EOGT: variants seen among roughly 807,000 people sequenced by gnomAD.
EOGT encodes EGF domain-specific O-linked N-acetylglucosamine transferase.
EOGT carries 55 observed loss-of-function variants against 70.5 expected under a neutral mutation model. The ratio of observed to expected loss-of-function variants is 0.78; its 90% confidence interval spans 0.63 to 0.98. EOGT has a LOEUF of 0.98. EOGT is among the 50% of genes least tolerant of loss of function. The pLI, the probability that EOGT is intolerant of heterozygous loss-of-function variation, is 0.00. For missense variants in EOGT, 703 were observed against 641.9 expected (o/e 1.10, Z -1.03); for synonymous variants, 246 against 217.1 (o/e 1.13, Z -1.17).
Position 68,983,559 on chromosome 3 carries a change from A to G in EOGT, c.1153-687T>C, listed in dbSNP as rs531786824. ...TGTGTCATGTTGCCTTGTGGCATGC[A>G]CTGCACTGCAACAGCAACATCAACA... is the stretch of plus-strand genomic sequence containing the variant. On this transcript the variant is annotated intron_variant, in intron 14 of 17. Coordinates refer to ENST00000383701, the MANE Select transcript of EOGT (RefSeq NM_001278689.2). Among the ~76,000 whole-genome samples the G allele has an allele frequency of 2.0e-5, 3 of 152,364 alleles. No homozygotes were observed. The East Asian group carries it at 5.8e-4, about 29-fold the overall frequency.
chr3:68,998,180 C>G (rs2091203639), intron 9 of EOGT, 66 bp from the exon 10 acceptor site: 1 of 820,776 alleles, frequency 1.2e-6, no homozygotes, highest in Non-Finnish European at 2.0e-6. Flanking sequence ...AAGTTTTATT[C>G]TATCCCATCT....
At chr3:69,000,672 A>G (rs2091271613) in intron 9 of EOGT, among the ~76,000 whole-genome samples, 1 of 152,224 alleles carries the variant, frequency 6.6e-6, no homozygotes, top group African/African-American at 2.4e-5. Context: ...GATATGATCT[A>G]GCACAGTAAT....
chr3:69,009,918 CAA>C, intron 3 of EOGT, 58 bp from the exon 4 acceptor site: 12 of 565,518 alleles, frequency 2.1e-5, no homozygotes, highest in Non-Finnish European at 3.1e-5. Context: ...GCCAAAACAA[CAA>C]CAACAACAAC....
Position 68,988,111 on chromosome 3 carries a change from T to C in EOGT, c.1083+184A>G, listed in dbSNP as rs6549163. ...TGTATTTTTTGCAGAGATGGGGTTT[T>C]GCCATGTTGGCCAGGCTGGTCTTGA... On this transcript the variant is annotated intron_variant, in intron 13 of 17. Transcript: ENST00000383701. Among the ~76,000 whole-genome samples the C allele has an allele frequency of 0.82, 125,342 of 152,186 alleles. 51,777 individuals are homozygous for C. Among genetic ancestry groups the C allele is most frequent in the Admixed American group, 0.86 (13,106 of 15,292 alleles).
chr3:69,013,342 G>C (rs1476674140), intron 1 of EOGT, among the ~76,000 whole-genome samples: 1 of 151,812 alleles, frequency 6.6e-6, no homozygotes, highest in Admixed American at 6.5e-5. Flanking sequence ...CTGCGCTCCG[G>C]GCGCTGGGAA....
rs76435907 is a variant in EOGT at position 69,003,372 on chromosome 3, T to C, written c.620+1006A>G. Among the ~76,000 whole-genome samples, 148 of 152,314 alleles carry C rather than the reference T, an allele frequency of 9.7e-4. No homozygotes were observed. In the East Asian group the frequency reaches 0.027, roughly 28 times the overall value. On this transcript the variant is annotated intron_variant, in intron 8 of 17. Transcript: ENST00000383701. The stretch of plus-strand genomic sequence containing the variant: ...TCATCTTGAATTGTAGCTCCCATCA[T>C]GGGAGGCACCCGGTGGGAGGTAACT...
At chr3:69,000,274 G>C (rs2091262153) in intron 9 of EOGT, among the ~76,000 whole-genome samples, 1 of 152,070 alleles carries the variant, frequency 6.6e-6, no homozygotes. Flanking sequence ...GAAGAAAAAA[G>C]TAGAGTTATG....
At chr3:68,977,985 C>T (rs1368290091) in intron 17 of EOGT, among the ~76,000 whole-genome samples, 1 of 152,216 alleles carries the variant, frequency 6.6e-6, no homozygotes, top group Non-Finnish European at 1.5e-5. Flanking sequence ...GCACAAACAA[C>T]TAGAGACAGT....
At chr3:68,986,849 A>G (rs1414128159) in intron 14 of EOGT, among the ~76,000 whole-genome samples, 1 of 152,248 alleles carries the variant, frequency 6.6e-6, no homozygotes, top group East Asian at 1.9e-4. Context: ...GGCCTAGAAC[A>G]TGGCCTGACA....
rs778118219 is a variant in EOGT, at chr3:68,988,346, T to C, written c.1032A>G (p.Ala344=). The change falls in exon 13 of 18, where the codon GCA becomes GCG. Residue 344 remains alanine, a synonymous_variant. Transcript: ENST00000383701. The stretch of plus-strand genomic sequence containing the variant: ...GTCTGTGTAGTACATGCTGGGCAAA[T>C]GCCCTGAATAGTCCAGTATTTTGAC... ...SGCQNTGLFR[A]FAQHVLHRLN... 1 of 1,535,932 alleles carries C rather than the reference T, an allele frequency of 6.5e-7. No homozygotes were observed.
chr3:68,989,519 G>A (rs1001734053), intron 10 of EOGT, among the ~76,000 whole-genome samples: 5 of 151,916 alleles, frequency 3.3e-5, no homozygotes, highest in Admixed American at 6.6e-5. Context: ...AGGCCGAGGC[G>A]GGCAGATCAC....
Position 69,009,933 on chromosome 3 carries a change from C to CAAA in EOGT, c.-14-76_-14-74dup, listed in dbSNP as rs60324569. Reference sequence around the variant, plus strand: ...GCCAAAACAACAACAACAACAACAACAAAAAAAAAAAAAAAACAAAGGGTC... The same window carrying CAAA: ...GCCAAAACAACAACAACAACAACAACAAAAAAAAAAAAAAAAAAACAAAGGGTC... On this transcript the variant is annotated intron_variant, in intron 3 of 17. Coordinates refer to ENST00000383701, the MANE Select transcript of EOGT (RefSeq NM_001278689.2). 6.2e-4 allele frequency: 158 copies of CAAA among 256,512 alleles called. 1 individual carries two copies. Among genetic ancestry groups the CAAA allele is most frequent in the Middle Eastern group, 2.7e-3 (2 of 752 alleles). 15.9% of individuals were successfully genotyped at this position (256,512 alleles called of 1,614,324 possible). A position where few individuals can be genotyped will look rare whatever the true frequency, so the allele number is the denominator to read the frequency against.
Position 69,011,738 on chromosome 3 carries a change from T to A in EOGT, c.-15+198A>T, listed in dbSNP as rs975604395. On this transcript the variant is annotated intron_variant, in intron 3 of 17. Coordinates refer to ENST00000383701, the MANE Select transcript of EOGT (RefSeq NM_001278689.2). ...ATCCTTTTTCCCCCATTTTCCCCCC[T>A]TGGAGTAGTTAAGTATTGTGGTTTT... is the stretch of plus-strand genomic sequence containing the variant. Among the ~76,000 whole-genome samples, 58 of 152,118 alleles carry A rather than the reference T, an allele frequency of 3.8e-4. 1 individual carries two copies. Among genetic ancestry groups the A allele is most frequent in the African/African-American group, 1.0e-3 (42 of 41,432 alleles).
At chr3:69,011,730 T>A (rs1219030427) in intron 3 of EOGT, among the ~76,000 whole-genome samples, 2 of 152,160 alleles carry the variant, frequency 1.3e-5, no homozygotes, top group Non-Finnish European at 2.9e-5. Flanking sequence ...TTCCCCCATT[T>A]TCCCCCCTTG....
Position 68,975,914 on chromosome 3 carries a change from T to A in EOGT, c.*1704A>T, listed in dbSNP as rs1402507768. The A allele has an allele frequency of 1.3e-5, 2 of 152,206 alleles. No homozygotes were observed. Among genetic ancestry groups the A allele is most frequent in the African/African-American group, 2.4e-5 (1 of 41,460 alleles). The allele number at this position is 152,206 out of a possible 1,614,324, so 9.4% of individuals were successfully genotyped here. On this transcript the variant is annotated 3_prime_UTR_variant, in exon 18 of 18. Transcript: ENST00000383701. Reference sequence around the variant, plus strand: ...ATTTTTTACAACTGTAAAATATTTTTAAAAAATTATTTAGCTATTCTGTAA... The same window carrying A: ...ATTTTTTACAACTGTAAAATATTTTAAAAAAATTATTTAGCTATTCTGTAA...
At position 68,977,453 on chromosome 3, in the gene EOGT, AAACACTT is replaced by A; in HGVS notation, c.*158_*164del. 1.5e-6 allele frequency: 1 copy of A among 650,148 alleles called. No homozygotes were observed. Among genetic ancestry groups the A allele is most frequent in the Non-Finnish European group, 2.4e-6 (1 of 409,530 alleles). 40.3% of individuals were successfully genotyped at this position (650,148 alleles called of 1,614,324 possible). A position where few individuals can be genotyped will look rare whatever the true frequency, so the allele number is the denominator to read the frequency against. ...ATAGCAATGACACAAAAACCACATG[AAACACTT>A]AACATCTATACAACACATAACAATA... On this transcript the variant is annotated 3_prime_UTR_variant, in exon 18 of 18. Transcript: ENST00000383701.
At chr3:69,011,107 G>C (rs2091562530) in intron 3 of EOGT, among the ~76,000 whole-genome samples, 1 of 151,150 alleles carries the variant, frequency 6.6e-6, no homozygotes, top group Admixed American at 6.6e-5. Context: ...CACCCAGTAA[G>C]TGTTAAATCT....
chr3:68,991,958 T>C (rs894019210), intron 10 of EOGT, among the ~76,000 whole-genome samples: 1 of 152,194 alleles, frequency 6.6e-6, no homozygotes, highest in Admixed American at 6.5e-5. Flanking sequence ...ATGAGACTTA[T>C]TCACTATCAC....
intron 10 of EOGT, among the ~76,000 whole-genome samples, chr3:68,991,293 A>T (rs1489223198): frequency 1.3e-5 from 2 of 152,240 alleles, no homozygotes; most frequent in Non-Finnish European, 2.9e-5. Flanking sequence ...AATTTCCTTT[A>T]GTGTGTCTCA....
Sources: gnomAD v4.1 joint callset for allele counts (sites outside exome capture counted in the v4.1 genomes callset) on GRCh38, gnomAD v4.1.1 for gene constraint, MANE v1.5 for transcripts, NCBI Gene and HGNC (gene_info 2026-07-23, HGNC 2026-07-21) for gene names.